ATP9A: variants seen among roughly 807,000 people sequenced by gnomAD.
The protein encoded by ATP9A is ATPase phospholipid transporting 9A, also known as probable phospholipid-transporting ATPase IIA.
ATP9A carries 52 observed loss-of-function variants against 144.1 expected under a neutral mutation model. The ratio of observed to expected loss-of-function variants is 0.36; its 90% CI spans 0.29 to 0.45. The LOEUF is 0.45. ATP9A is among the 20% of genes least tolerant of loss of function. The pLI is 1.00. For synonymous variants in ATP9A, 582 were observed against 557.4 expected (o/e 1.04, Z -0.62); for missense variants, 947 against 1,392.7 (o/e 0.68, Z 5.09).
intron 14 of ATP9A, among the ~76,000 whole-genome samples, chr20:51,643,925 C>T (rs752386812): frequency 7.2e-5 from 11 of 152,258 alleles, no homozygotes; most frequent in Non-Finnish European, 1.6e-4. Flanking sequence ...CACCTGAGGT[C>T]AGGAGTTCAA....
intron 1 of ATP9A, among the ~76,000 whole-genome samples, chr20:51,737,817 C>G (rs1044011538): frequency 6.6e-6 from 1 of 152,078 alleles, no homozygotes; most frequent in Non-Finnish European, 1.5e-5. Context: ...CTACGGGATA[C>G]AAAACCAAAC....
intron 9 of ATP9A, among the ~76,000 whole-genome samples, chr20:51,677,227 C>T (rs2077481225): frequency 6.6e-6 from 1 of 152,114 alleles, no homozygotes; most frequent in Admixed American, 6.5e-5. Flanking sequence ...AGCCACCTCG[C>T]CCAACCCAAC....
intron 2 of ATP9A, among the ~76,000 whole-genome samples, 166 bp from the exon 3 acceptor site, chr20:51,726,098 G>A (rs1187685130): frequency 6.6e-6 from 1 of 152,094 alleles, no homozygotes; most frequent in Non-Finnish European, 1.5e-5. Flanking sequence ...CGGATCACCT[G>A]AGGTCAGGAT....
intron 1 of ATP9A, among the ~76,000 whole-genome samples, chr20:51,756,689 C>T (rs1394815513): frequency 6.6e-6 from 1 of 152,128 alleles, no homozygotes; most frequent in Admixed American, 6.6e-5. Context: ...TCTTTAAAGG[C>T]CCCCTGTCTC....
At chr20:51,694,141 G>A (rs763253665) in intron 6 of ATP9A, 39 bp from the exon 7 acceptor site, 1 of 1,562,388 alleles carries the variant, frequency 6.4e-7, no homozygotes. Flanking sequence ...TGCACCTCAA[G>A]CACCCTTCCC....
At chr20:51,642,542 C>T (rs2077324008) in intron 14 of ATP9A, among the ~76,000 whole-genome samples, 1 of 151,780 alleles carries the variant, frequency 6.6e-6, no homozygotes, top group Admixed American at 6.6e-5. Flanking sequence ...CTCACTGAGA[C>T]AGGATCAAGG....
At chr20:51,719,747 G>T (rs60163215) in intron 3 of ATP9A, among the ~76,000 whole-genome samples, 1 of 70,134 alleles carries the variant, frequency 1.4e-5, no homozygotes, top group African/African-American at 5.1e-5. Context: ...AAAAAAAAAG[G>T]GGGGGGAAGA....
In ATP9A at chr20:51,599,494, T is replaced by C. The variant is rs1002016827; in HGVS notation, c.*1717A>G. 2 of 152,226 alleles carry C rather than the reference T, an allele frequency of 1.3e-5. No homozygotes were observed. Among genetic ancestry groups the C allele is most frequent in the African/African-American group, 4.8e-5 (2 of 41,466 alleles). The allele number at this position is 152,226 out of a possible 1,614,324, so 9.4% of individuals were successfully genotyped here. A position where few individuals can be genotyped will look rare whatever the true frequency, so the allele number is the denominator to read the frequency against. On this transcript the variant is annotated 3_prime_UTR_variant, in exon 28 of 28. Coordinates refer to ENST00000338821, the MANE Select transcript of ATP9A (RefSeq NM_006045.3). Reference sequence around the variant, plus strand: ...ATCTTTTCTGCCGACCTTTTCCCTCTGGCAGAAATGGCTGAATCAGATAGA... The same window carrying C: ...ATCTTTTCTGCCGACCTTTTCCCTCCGGCAGAAATGGCTGAATCAGATAGA...
At chr20:51,724,266 C>T (rs2077702961) in intron 3 of ATP9A, among the ~76,000 whole-genome samples, 1 of 152,150 alleles carries the variant, frequency 6.6e-6, no homozygotes, top group South Asian at 2.1e-4. Context: ...AGAATATAAA[C>T]AGCAACTGCA....
At chr20:51,753,196 C>T (rs1016404824) in intron 1 of ATP9A, among the ~76,000 whole-genome samples, 3 of 152,066 alleles carry the variant, frequency 2.0e-5, no homozygotes, top group African/African-American at 4.8e-5. Flanking sequence ...CTATAAGGCA[C>T]TGGTTAAGTA....
chr20:51,717,724 G>C (rs1456795164), intron 3 of ATP9A, among the ~76,000 whole-genome samples: 1 of 152,092 alleles, frequency 6.6e-6, no homozygotes, highest in Non-Finnish European at 1.5e-5. Flanking sequence ...GGGAGGCCAG[G>C]GCAGGCAGAT....
intron 14 of ATP9A, among the ~76,000 whole-genome samples, chr20:51,651,546 T>C (rs1487238755): frequency 2.0e-5 from 3 of 151,714 alleles, no homozygotes; most frequent in Non-Finnish European, 4.4e-5. Context: ...TATCGCCAGG[T>C]GGCAAGAATC....
intron 4 of ATP9A, among the ~76,000 whole-genome samples, chr20:51,699,333 CA>C (rs74175569): frequency 0.02 from 1,436 of 70,442 alleles, 15 homozygotes; most frequent in East Asian, 0.12. Context: ...AACTCAATCT[CA>C]AAAAAAAAAA....
rs778440862 is a variant in ATP9A, at chr20:51,642,726, CAAAAAAAAAAAAAAAAAAAAAAA to C, written c.1507-3245_1507-3223del. The stretch of plus-strand genomic sequence containing the variant: ...GGGTGACTGAGTGAGACTCTGTCTC[CAAAAAAAAAAAAAAAAAAAAAAA>C]AAAAAAAAAAAAAAACCTGGCGTTC... On this transcript the variant is annotated intron_variant, in intron 14 of 27. Coordinates refer to ENST00000338821, the MANE Select transcript of ATP9A (RefSeq NM_006045.3). Among the ~76,000 whole-genome samples, 209 of 31,164 alleles carry C rather than the reference CAAAAAAAAAAAAAAAAAAAAAAA, an allele frequency of 6.7e-3. 3 individuals are homozygous for C. Among genetic ancestry groups the C allele is most frequent in the Non-Finnish European group, 0.012 (156 of 13,470 alleles). The allele number at this position is 31,164 out of a possible 152,430, so 20.4% of individuals were successfully genotyped here. A position where few individuals can be genotyped will look rare whatever the true frequency, so the allele number is the denominator to read the frequency against.
At chr20:51,666,350 C>T (rs993943061) in intron 13 of ATP9A, among the ~76,000 whole-genome samples, 1 of 152,086 alleles carries the variant, frequency 6.6e-6, no homozygotes, top group Non-Finnish European at 1.5e-5. Context: ...GACTCTGGCC[C>T]AAGTGATCTA....
At chr20:51,658,708 T>TG (rs1450928956) in intron 13 of ATP9A, among the ~76,000 whole-genome samples, 2 of 151,398 alleles carry the variant, frequency 1.3e-5, no homozygotes, top group Non-Finnish European at 2.9e-5. Flanking sequence ...TTAGTAGAGA[T>TG]GGGGTTTCAC....
chr20:51,623,582 A>G (rs1401903426), intron 18 of ATP9A, among the ~76,000 whole-genome samples: 1 of 152,148 alleles, frequency 6.6e-6, no homozygotes, highest in Admixed American at 6.5e-5. Flanking sequence ...GGAGTTCGAG[A>G]CCAGCCTGAC....
At position 51,610,672 on chromosome 20, in the gene ATP9A, C is replaced by T. The variant is rs192156103; in HGVS notation, c.2572-507G>A. On this transcript the variant is annotated intron_variant, in intron 23 of 27. Coordinates refer to ENST00000338821, the MANE Select transcript of ATP9A (RefSeq NM_006045.3). ...AGCTGTGGCCACAGCTCTGTGGCCA[C>T]ACTTCTAAACAGCTCGGAATCCTCA... Among the ~76,000 whole-genome samples the T allele has an allele frequency of 3.2e-3, 484 of 152,240 alleles. 12 individuals are homozygous for T. Among genetic ancestry groups the T allele is most frequent in the Admixed American group, 0.03 (464 of 15,292 alleles).
At chr20:51,768,101 A>G (rs2077913358) in intron 1 of ATP9A, among the ~76,000 whole-genome samples, 1 of 151,930 alleles carries the variant, frequency 6.6e-6, no homozygotes, top group Admixed American at 6.5e-5. Context: ...CTCGAACCCC[A>G]AAGGGCCGGC....
Sources: gnomAD v4.1 joint callset for allele counts (sites outside exome capture counted in the v4.1 genomes callset) on GRCh38, gnomAD v4.1.1 for gene constraint, MANE v1.5 for transcripts, NCBI Gene and HGNC (gene_info 2026-07-23, HGNC 2026-07-21) for gene names.